The following RBPMS variants were observed in gnomAD, a reference collection of about 807,000 sequenced individuals.
RBPMS encodes the protein RNA binding protein, mRNA processing factor.
RBPMS carries 7 observed loss-of-function variants against 26.8 expected under a neutral mutation model. The observed-to-expected ratio is 0.26, with a 90% confidence interval of 0.15 to 0.49. RBPMS has a LOEUF of 0.49. Among genes scored for constraint, RBPMS ranks in the 20% least tolerant of loss-of-function variants. RBPMS has a pLI of 0.98. For synonymous variants in RBPMS, 96 were observed against 93.3 expected, an observed-to-expected ratio of 1.03 and a Z score of -0.17; for missense variants, 186 against 250.0, an observed-to-expected ratio of 0.74 and a Z score of 1.73.
At chr8:30,439,704 G>A (rs934361179) in intron 1 of RBPMS, among the ~76,000 whole-genome samples, 9 of 151,896 alleles carry the variant, frequency 5.9e-5, no homozygotes, top group African/African-American at 2.2e-4. Flanking sequence ...CACCCAGGCT[G>A]GAATGCAGTG....
intron 6 of RBPMS, among the ~76,000 whole-genome samples, chr8:30,546,390 T>C (rs766944679): frequency 6.6e-6 from 1 of 152,216 alleles, no homozygotes; most frequent in Non-Finnish European, 1.5e-5. Flanking sequence ...CCATGACATC[T>C]GCTCATTCTT....
chr8:30,392,331 C>T (rs1051948977), intron 1 of RBPMS, among the ~76,000 whole-genome samples: 21 of 152,006 alleles, frequency 1.4e-4, no homozygotes, highest in African/African-American at 4.6e-4. Context: ...GCAAGGAAAT[C>T]GCTCTGTGAA....
chr8:30,539,781 A>G (rs531997225), intron 5 of RBPMS, among the ~76,000 whole-genome samples: 1 of 151,966 alleles, frequency 6.6e-6, no homozygotes, highest in South Asian at 2.1e-4. Flanking sequence ...GTGCACCACC[A>G]CACTCAGCTC....
rs192563023 is a variant in RBPMS at position 30,488,359 on chromosome 8, C to T, written c.246+8982C>T. Among the ~76,000 whole-genome samples the T allele has an allele frequency of 2.3e-4, 35 of 152,238 alleles. 1 individual carries two copies. Among genetic ancestry groups the T allele is most frequent in the South Asian group, 1.2e-3 (6 of 4,818 alleles). On this transcript the variant is annotated intron_variant, in intron 4 of 8. Transcript: ENST00000397323. Reference sequence around the variant, plus strand: ...ACACAAAGTAATTTCTGTATAATGTCTCACAGAATTTAGGTATTCACTTAG... The same window carrying T: ...ACACAAAGTAATTTCTGTATAATGTTTCACAGAATTTAGGTATTCACTTAG...
chr8:30,545,563 T>C, intron 6 of RBPMS: 1 of 456,902 alleles, frequency 2.2e-6, no homozygotes, highest in Non-Finnish European at 2.9e-6. Flanking sequence ...AGAGTTTTCG[T>C]TTGCCTGTTT....
chr8:30,560,862 C>T (rs1585892639), intron 7 of RBPMS, among the ~76,000 whole-genome samples: 1 of 152,144 alleles, frequency 6.6e-6, no homozygotes, highest in African/African-American at 2.4e-5. Flanking sequence ...TAGCCAGAAA[C>T]GAAACCAGAG....
At chr8:30,500,340 CTT>C (rs36121330) in intron 4 of RBPMS, among the ~76,000 whole-genome samples, 33,855 of 139,946 alleles carry the variant, frequency 0.24, 4,267 homozygotes, top group East Asian at 0.41. Flanking sequence ...TGTTGAGTAT[CTT>C]TTTTTTTTTT....
chr8:30,528,782 TCAGGTCA>T (rs1213493444), intron 5 of RBPMS, among the ~76,000 whole-genome samples: 2 of 152,182 alleles, frequency 1.3e-5, no homozygotes, highest in Non-Finnish European at 2.9e-5. Context: ...GCCAAGTCTG[TCAGGTCA>T]CAGACCCCAA....
chr8:30,481,711 G>T (rs1818300887), intron 4 of RBPMS, among the ~76,000 whole-genome samples: 1 of 152,182 alleles, frequency 6.6e-6, no homozygotes, highest in South Asian at 2.1e-4. Flanking sequence ...TTTACCTATG[G>T]AATAATGAGC....
At chr8:30,409,065 G>C (rs1303563198) in intron 1 of RBPMS, among the ~76,000 whole-genome samples, 1 of 152,182 alleles carries the variant, frequency 6.6e-6, no homozygotes, top group African/African-American at 2.4e-5. Context: ...TTGTATGGAT[G>C]TGCCATGTTT....
At chr8:30,555,906 TCCCCCCC>T in intron 6 of RBPMS, 1 of 984,998 alleles carries the variant, frequency 1.0e-6, no homozygotes, top group Non-Finnish European at 1.2e-6. Flanking sequence ...AGCAGCTTGT[TCCCCCCC>T]ACCGGGCCGG....
At chr8:30,569,454 T>A (rs905639976) in intron 8 of RBPMS, among the ~76,000 whole-genome samples, 1 of 152,180 alleles carries the variant, frequency 6.6e-6, no homozygotes, top group South Asian at 2.1e-4. Context: ...TGAAAGACAG[T>A]GTGGCCTGTA....
At chr8:30,549,796 C>CT (rs56259442) in intron 6 of RBPMS, among the ~76,000 whole-genome samples, 30,065 of 92,542 alleles carry the variant, frequency 0.32, 4,825 homozygotes, top group East Asian at 0.4. Context: ...CTCTCTCTCT[C>CT]CCCTCTCTCC....
chr8:30,506,453 G>C (rs1821079950), intron 5 of RBPMS, among the ~76,000 whole-genome samples: 1 of 152,008 alleles, frequency 6.6e-6, no homozygotes, highest in Non-Finnish European at 1.5e-5. Flanking sequence ...CTTGAGGAGA[G>C]CAAGTCCACT....
intron 4 of RBPMS, among the ~76,000 whole-genome samples, chr8:30,482,386 C>G (rs4437610): frequency 1 from 151,953 of 152,358 alleles, 75,774 homozygotes; most frequent in Middle Eastern, 1. Context: ...GTGTATAATA[C>G]TTCAGTGTTA....
chr8:30,540,931 G>C (rs1825320392), intron 5 of RBPMS, among the ~76,000 whole-genome samples: 1 of 152,182 alleles, frequency 6.6e-6, no homozygotes, highest in South Asian at 2.1e-4. Flanking sequence ...GTGGAAGGTA[G>C]CATCTTGCTG....
intron 2 of RBPMS, among the ~76,000 whole-genome samples, chr8:30,476,765 A>C (rs952187996): frequency 2.6e-5 from 4 of 152,180 alleles, no homozygotes; most frequent in Admixed American, 6.5e-5. Flanking sequence ...TCGTCCGTTA[A>C]TGCAAGCCAC....
At chr8:30,484,112 C>T (rs1475178255) in intron 4 of RBPMS, among the ~76,000 whole-genome samples, 1 of 152,084 alleles carries the variant, frequency 6.6e-6, no homozygotes, top group African/African-American at 2.4e-5. Context: ...AGTAGAATTT[C>T]TGGGTCATGT....
Position 30,389,439 on chromosome 8 carries a change from G to A in RBPMS, c.66+4281G>A, listed in dbSNP as rs1334767835. Among the ~76,000 whole-genome samples, 4 of 152,290 alleles carry A rather than the reference G, an allele frequency of 2.6e-5. No homozygotes were observed. In the East Asian group the frequency reaches 7.7e-4, roughly 29 times the overall value. ...TTTTCGTAGGTTCATGTTAATTTTT[G>A]CTTTAAGGATAAAAGTGTTCAGTGC... On this transcript the variant is annotated intron_variant, in intron 1 of 8. Transcript: ENST00000397323.
Sources: allele counts gnomAD v4.1 joint callset (sites outside exome capture counted in the v4.1 genomes callset), GRCh38; gene constraint gnomAD v4.1.1; transcripts MANE v1.5; gene names NCBI Gene and HGNC (gene_info 2026-07-23, HGNC 2026-07-21).